Variants in GRIN1 observed in about 807,000 individuals in gnomAD.
GRIN1 encodes the protein glutamate ionotropic receptor NMDA type subunit 1.
In GRIN1, 38 loss-of-function variants were observed where a neutral mutation model predicts 103.0. The ratio of observed to expected loss-of-function variants is 0.37; its 90% CI spans 0.28 to 0.48. The LOEUF is 0.48. GRIN1 is among the 20% of genes least tolerant of loss of function. The probability of loss-of-function intolerance (pLI) is 0.98; values close to 1 mark genes in which losing one functional copy is unlikely to be tolerated. For synonymous variants in GRIN1, 544 were observed against 532.7 expected (o/e 1.02, Z -0.29); for missense variants, 577 against 1,288.9 (o/e 0.45, Z 8.46).
intron 19 of GRIN1, 127 bp from the exon 20 acceptor site, chr9:137,167,284 C>T (rs1833931680): frequency 2.7e-6 from 2 of 747,030 alleles, no homozygotes; most frequent in East Asian, 2.7e-5. Context: ...GGGGTCAGTC[C>T]GGCTGCGGAG....
chr9:137,145,776 C>T lies in GRIN1; in HGVS notation c.444C>T (p.Ser148=). The T allele has an allele frequency of 6.2e-7, 1 of 1,613,538 alleles. No individual in the cohort carries two copies. Among genetic ancestry groups the T allele is most frequent in the Middle Eastern group, 1.7e-4 (1 of 6,058 alleles). ...LRTVPPYSHQ[S]SVWFEMMRVY... is the part of the protein sequence containing the mutation. ...CCGTGCCGCCCTACTCCCACCAGTCCAGCGTGTGGTTTGAGATGATGCGTG... is the reference window on the plus strand; with the variant it reads ...CCGTGCCGCCCTACTCCCACCAGTCTAGCGTGTGGTTTGAGATGATGCGTG... The change falls in exon 3 of 20, where the codon TCC becomes TCT. Residue 148 remains serine, a synonymous_variant. Transcript: ENST00000371561.
chr9:137,154,195 G>A (rs1213690446), intron 4 of GRIN1, among the ~76,000 whole-genome samples: 1 of 146,292 alleles, frequency 6.8e-6, no homozygotes, highest in Non-Finnish European at 1.5e-5. Flanking sequence ...CACAATCTTC[G>A]CTCACTGCAA....
intron 19 of GRIN1, 108 bp from the exon 20 acceptor site, chr9:137,167,302 GC>G (rs1178513096): frequency 1.2e-6 from 1 of 841,742 alleles, no homozygotes; most frequent in Admixed American, 2.0e-5. Context: ...GAGATCCCCT[GC>G]CCCTGTCCTG....
chr9:137,140,619 G>A lies in GRIN1; in HGVS notation c.258+875G>A, dbSNP rs538805784. On this transcript the variant is annotated intron_variant, in intron 1 of 19. Transcript: ENST00000371561. ...TGACACCTGCTCATGTGCCACACACGGCTTGGCATGCATTCCCAGAGGCAC... is the reference window on the plus strand; with the variant it reads ...TGACACCTGCTCATGTGCCACACACAGCTTGGCATGCATTCCCAGAGGCAC... Among the ~76,000 whole-genome samples, 6 of 152,288 alleles carry A rather than the reference G, an allele frequency of 3.9e-5. No individual in the cohort carries two copies. In the South Asian group the frequency reaches 6.2e-4, roughly 16 times the overall value.
chr9:137,142,927 C>CAGCT (rs1230870239), intron 2 of GRIN1, among the ~76,000 whole-genome samples: 1 of 152,220 alleles, frequency 6.6e-6, no homozygotes, highest in Non-Finnish European at 1.5e-5. Flanking sequence ...CCTGGAACAT[C>CAGCT]AGCTGGAAGA....
In GRIN1 at chr9:137,168,113, T is replaced by C. The variant is rs954524036; in HGVS notation, c.*586T>C. ...GCAGGGCCCTGGGGTCTCTGAGCAG[T>C]GGGGAGCGGGGGCTAACTGGCCCCA... is the stretch of plus-strand genomic sequence containing the variant. On this transcript the variant is annotated 3_prime_UTR_variant, in exon 20 of 20. Coordinates refer to ENST00000371561, the MANE Select transcript of GRIN1 (RefSeq NM_007327.4). 9.1e-6 allele frequency: 5 copies of C among 552,364 alleles called. No individual in the cohort carries two copies. Among genetic ancestry groups the C allele is most frequent in the Non-Finnish European group, 1.6e-5 (5 of 311,026 alleles). 34.2% of individuals were successfully genotyped at this position (552,364 alleles called of 1,614,324 possible). A position where few individuals can be genotyped will look rare whatever the true frequency, so the allele number is the denominator to read the frequency against.
chr9:137,141,451 C>T (rs1342098919), intron 1 of GRIN1, among the ~76,000 whole-genome samples: 1 of 152,202 alleles, frequency 6.6e-6, no homozygotes, highest in Non-Finnish European at 1.5e-5. Context: ...GGCCAGCACT[C>T]AAAGTAAGGG....
chr9:137,157,423 C>T (rs1164969421), intron 6 of GRIN1, among the ~76,000 whole-genome samples: 2 of 152,190 alleles, frequency 1.3e-5, no homozygotes, highest in African/African-American at 4.8e-5. Flanking sequence ...GTACCTGGGC[C>T]GTCACTGGAG....
rs1564345160 is a variant in GRIN1, at chr9:137,145,806, C to T, written c.474C>T (p.Tyr158=). ...SSVWFEMMRV[Y]SWNHIILLVS... is the part of the protein sequence containing the mutation. ...TGTGGTTTGAGATGATGCGTGTCTA[C>T]AGCTGGAACCACATCATCCTGCTGG... is the stretch of plus-strand genomic sequence containing the variant. Residue 158 remains tyrosine (Y), a synonymous_variant, in exon 3 of 20, where the codon TAC becomes TAT. Transcript: ENST00000371561. 1.2e-6 allele frequency: 2 copies of T among 1,613,318 alleles called. No homozygotes were observed. The highest frequency in any genetic ancestry group is 2.2e-5 in the East Asian group (1 of 44,862).
chr9:137,160,719 A>C (rs990799445), intron 8 of GRIN1, among the ~76,000 whole-genome samples: 3 of 152,338 alleles, frequency 2.0e-5, no homozygotes, highest in South Asian at 4.1e-4. Flanking sequence ...CGTGAGCCAC[A>C]GCACCTGGCG....
chr9:137,161,705 ACGTGGAGT>A (rs1833559898), intron 10 of GRIN1, among the ~76,000 whole-genome samples: 3 of 4,390 alleles, frequency 6.8e-4, no homozygotes, highest in African/African-American at 2.2e-3. Flanking sequence ...AGTGGGCGGG[ACGTGGAGT>A]GGGCGGGGCC....
rs549452914 is a variant in GRIN1 at position 137,139,411 on chromosome 9, G to A, written c.-76G>A. ...CGCGGGGCCGGGCGAGCGCAGGACG[G>A]CCCGGAAGCCCCGCGGGGGATGCGC... On this transcript the variant is annotated 5_prime_UTR_variant, in exon 1 of 20. Transcript: ENST00000371561. This position sits in a 1 kb window ranked among gnomAD's most constrained non-coding sequence, Gnocchi z 7.7. 8.0e-6 allele frequency: 9 copies of A among 1,123,696 alleles called. No homozygotes were observed. The South Asian group carries it at 1.9e-4, about 23-fold the overall frequency. 69.6% of individuals were successfully genotyped at this position (1,123,696 alleles called of 1,614,324 possible).
intron 4 of GRIN1, among the ~76,000 whole-genome samples, chr9:137,151,408 A>G (rs1832905374): frequency 6.8e-6 from 1 of 147,424 alleles, no homozygotes; most frequent in South Asian, 2.2e-4. Context: ...AGACCCGCCC[A>G]GGGAAAACTC....
intron 19 of GRIN1, among the ~76,000 whole-genome samples, chr9:137,165,970 A>T (rs1588741261): frequency 1.3e-5 from 2 of 152,078 alleles, no homozygotes; most frequent in East Asian, 3.9e-4. Flanking sequence ...GCCACAGGGG[A>T]CTGTCAGGCA....
chr9:137,154,013 T>C (rs1833067591), intron 4 of GRIN1, among the ~76,000 whole-genome samples: 1 of 151,878 alleles, frequency 6.6e-6, no homozygotes, highest in Non-Finnish European at 1.5e-5. Context: ...GGTTTCACCA[T>C]GTTGGCCAGG....
chr9:137,141,823 G>A (rs1366124862), intron 1 of GRIN1, among the ~76,000 whole-genome samples, 190 bp from the exon 2 acceptor site: 1 of 152,152 alleles, frequency 6.6e-6, no homozygotes. Context: ...GGGAGGTCCG[G>A]GTGGGGTCTC....
chr9:137,163,915 C>G lies in GRIN1; in HGVS notation c.2589+11C>G. On this transcript the variant is annotated intron_variant, in intron 18 of 19. Transcript: ENST00000371561. ...CGGAAGAACCTGCAGGTAGGGCAGGCCACCCTCCGAGGCCTGGTGCCCAGG... is the reference window on the plus strand; with the variant it reads ...CGGAAGAACCTGCAGGTAGGGCAGGGCACCCTCCGAGGCCTGGTGCCCAGG... 1 of 1,612,006 alleles carries G rather than the reference C, an allele frequency of 6.2e-7. No homozygotes were observed. Among genetic ancestry groups the G allele is most frequent in the South Asian group, 1.1e-5 (1 of 91,064 alleles).
At chr9:137,153,964 A>G (rs1461878116) in intron 4 of GRIN1, among the ~76,000 whole-genome samples, 3 of 151,830 alleles carry the variant, frequency 2.0e-5, no homozygotes, top group African/African-American at 7.3e-5. Flanking sequence ...GGTGTGTGCC[A>G]CCATGCCCGG....
chr9:137,147,845 G>A (rs961112377), intron 3 of GRIN1, among the ~76,000 whole-genome samples: 1 of 152,222 alleles, frequency 6.6e-6, no homozygotes, highest in African/African-American at 2.4e-5. Flanking sequence ...GGCAGGGTGG[G>A]GGCGGCAGGT....
Sources: allele counts gnomAD v4.1 joint callset (sites outside exome capture counted in the v4.1 genomes callset), GRCh38; gene constraint gnomAD v4.1.1; non-coding constraint Gnocchi (gnomAD v3.1); transcripts MANE v1.5; gene names NCBI Gene and HGNC (gene_info 2026-07-23, HGNC 2026-07-21).